The following SYNE2 variants were observed in gnomAD, a reference collection of about 807,000 sequenced individuals.
The protein encoded by SYNE2 is nesprin-2.
In SYNE2, 431 loss-of-function variants were observed where a neutral mutation model predicts 856.3. The ratio of observed to expected loss-of-function variants is 0.50; its 90% CI spans 0.47 to 0.55. SYNE2 has a LOEUF of 0.55. Ranked by LOEUF, SYNE2 falls within the 20% of genes least tolerant of loss-of-function variation. SYNE2 has a pLI of 0.00. For synonymous variants in SYNE2, 2,923 were observed against 2,872.3 expected (o/e 1.02, Z -0.56); for missense variants, 8,129 against 8,023.2 (o/e 1.01, Z -0.50).
At chr14:64,166,491 C>A (rs937689551) in intron 90 of SYNE2, among the ~76,000 whole-genome samples, 1 of 152,158 alleles carries the variant, frequency 6.6e-6, no homozygotes, top group East Asian at 1.9e-4. Flanking sequence ...TGCTTTCTTG[C>A]AATGTCATGT....
In SYNE2 at chr14:63,993,910, A is replaced by C. The variant is rs933436149; in HGVS notation, c.2722A>C (p.Thr908Pro). The change falls in exon 22 of 116, where the codon ACT becomes CCT. Residue 908 changes from threonine to proline, a missense_variant. By Grantham distance (38) the Thr-to-Pro change is conservative. This residue lies in a region of SYNE2 where 2,422 missense variants were observed against 2,357.4 expected (regional missense o/e 1.03). Coordinates refer to ENST00000555002, the MANE Select transcript of SYNE2 (RefSeq NM_182914.3). ...TGTTGAAGAACTAAAAAATAATGTAACTGAGGACATAAAGATGTCTTTAGA... is the reference window on the plus strand; with the variant it reads ...TGTTGAAGAACTAAAAAATAATGTACCTGAGGACATAAAGATGTCTTTAGA... ...KAVEELKNNV[T>P]EDIKMSLEEK... 6.8e-6 allele frequency: 11 copies of C among 1,613,264 alleles called. No homozygotes were observed. The highest frequency in any genetic ancestry group is 6.8e-6 in the Non-Finnish European group (8 of 1,179,460).
rs369736849 is a variant in SYNE2 at position 63,929,549 on chromosome 14, T to A, written c.80-11065T>A. Among the ~76,000 whole-genome samples, 391 of 152,194 alleles carry A rather than the reference T, an allele frequency of 2.6e-3. 20 individuals carry two copies. The South Asian group carries it at 0.077, about 30-fold the overall frequency. ...ACTTTGGGAGGCCAAGGCGGGTGGA[T>A]CACCTGAGGTCAGGAGTTCAAGACC... is the stretch of plus-strand genomic sequence containing the variant. On this transcript the variant is annotated intron_variant, in intron 2 of 115. Transcript: ENST00000555002.
intron 31 of SYNE2, among the ~76,000 whole-genome samples, chr14:64,008,549 A>G (rs2096818611): frequency 6.6e-6 from 1 of 152,142 alleles, no homozygotes; most frequent in African/African-American, 2.4e-5. Context: ...ATTTGATATT[A>G]TTTATTAATT....
At chr14:63,830,723 T>C (rs1020092748) in intron 1 of SYNE2, among the ~76,000 whole-genome samples, 1 of 152,066 alleles carries the variant, frequency 6.6e-6, no homozygotes, top group Non-Finnish European at 1.5e-5. Flanking sequence ...ATTTTTCGAA[T>C]ACTTATTAAT....
intron 19 of SYNE2, among the ~76,000 whole-genome samples, chr14:63,986,913 G>GA (rs2096630165): frequency 6.6e-6 from 1 of 152,130 alleles, no homozygotes; most frequent in Non-Finnish European, 1.5e-5. Context: ...ATGAGGAGAC[G>GA]AGTGAGTTCA....
intron 96 of SYNE2, among the ~76,000 whole-genome samples, chr14:64,182,718 A>G (rs945454381): frequency 3.0e-4 from 46 of 152,238 alleles, no homozygotes; most frequent in Admixed American, 6.5e-5. Flanking sequence ...AAGGTCATAG[A>G]TTAACAGCAT....
At chr14:63,779,910 C>CA (rs1887247552) in intron 1 of SYNE2, among the ~76,000 whole-genome samples, 1 of 151,756 alleles carries the variant, frequency 6.6e-6, no homozygotes, top group African/African-American at 2.4e-5. Flanking sequence ...GACTCCATCT[C>CA]AAAAAATAAA....
intron 43 of SYNE2, among the ~76,000 whole-genome samples, chr14:64,028,443 T>C (rs909496675): frequency 1.3e-5 from 2 of 151,944 alleles, no homozygotes; most frequent in Admixed American, 6.6e-5. Context: ...TTTGTAGAAA[T>C]AAGGTCTCGC....
rs1199416360 is a variant in SYNE2, at chr14:63,843,751, A to G, written c.-304-8750A>G. Among the ~76,000 whole-genome samples, 8 of 152,176 alleles carry G rather than the reference A, an allele frequency of 5.3e-5. No homozygotes were observed. The East Asian group carries it at 1.5e-3, about 29-fold the overall frequency. On this transcript the variant is annotated intron_variant, in intron 1 of 23. Transcript: ENST00000674003. ...AATAATCTGATTTTCCTCTTTATTGATTTATTCCACTATTGATATAGTGAA... is the reference window on the plus strand; with the variant it reads ...AATAATCTGATTTTCCTCTTTATTGGTTTATTCCACTATTGATATAGTGAA...
intron 63 of SYNE2, among the ~76,000 whole-genome samples, chr14:64,100,554 A>T (rs1272213415): frequency 7.8e-6 from 1 of 128,266 alleles, no homozygotes; most frequent in Non-Finnish European, 1.6e-5. Context: ...ATATATATAT[A>T]TATATATATA....
intron 45 of SYNE2, among the ~76,000 whole-genome samples, chr14:64,046,708 A>G (rs913994862): frequency 3.3e-5 from 5 of 152,172 alleles, no homozygotes; most frequent in African/African-American, 1.2e-4. Flanking sequence ...CAGACTCATA[A>G]AAGAGGCACC....
At chr14:64,050,209 CAGG>C (rs2097215017) in intron 47 of SYNE2, among the ~76,000 whole-genome samples, 1 of 152,192 alleles carries the variant, frequency 6.6e-6, no homozygotes, top group South Asian at 2.1e-4. Flanking sequence ...CATGTGGTAG[CAGG>C]AGAAGTGCAG....
At chr14:63,927,130 G>A (rs191046232) in intron 2 of SYNE2, among the ~76,000 whole-genome samples, 1 of 152,316 alleles carries the variant, frequency 6.6e-6, no homozygotes, top group Non-Finnish European at 1.5e-5. Flanking sequence ...TTTTGCTCAT[G>A]TTGCTAAGAG....
At chr14:63,898,290 A>T (rs2095286376) in intron 1 of SYNE2, among the ~76,000 whole-genome samples, 1 of 152,114 alleles carries the variant, frequency 6.6e-6, no homozygotes, top group South Asian at 2.1e-4. Flanking sequence ...TCGTCCTGGG[A>T]ACGTCCCTTT....
chr14:64,217,912 A>C (rs991238509), intron 108 of SYNE2, among the ~76,000 whole-genome samples: 2 of 152,160 alleles, frequency 1.3e-5, no homozygotes, highest in Admixed American at 6.5e-5. Context: ...AAAGATAAAC[A>C]CTTGGTAACG....
At chr14:63,835,316 C>T (rs1168572353) in intron 1 of SYNE2, among the ~76,000 whole-genome samples, 1 of 152,148 alleles carries the variant, frequency 6.6e-6, no homozygotes, top group Non-Finnish European at 1.5e-5. Flanking sequence ...TCACTGCAAC[C>T]TCTGCCTCTG....
Position 64,174,971 on chromosome 14 carries a change from C to A in SYNE2, c.17263C>A (p.Arg5755=). ...TAAAGAAATTCATTTTCAAAGGAGG[C>A]GAACTACCTGTGCCCTAACCTTGGA... is the stretch of plus-strand genomic sequence containing the variant. The part of the protein sequence containing the change: ...KNKEIHFQRR[R]TTCALTLEAG... Residue 5755 remains arginine (R), a synonymous_variant, in exon 95 of 116, where the codon CGA becomes AGA. Coordinates refer to ENST00000555002, the MANE Select transcript of SYNE2 (RefSeq NM_182914.3). The A allele has an allele frequency of 6.2e-7, 1 of 1,613,990 alleles. No individual in the cohort carries two copies. The highest frequency in any genetic ancestry group is 8.5e-7 in the Non-Finnish European group (1 of 1,179,976).
Position 64,087,730 on chromosome 14 carries a change from A to G in SYNE2, c.11544A>G (p.Leu3848=). 2 of 1,614,202 alleles carry G rather than the reference A, an allele frequency of 1.2e-6. No homozygotes were observed. Among genetic ancestry groups the G allele is most frequent in the Non-Finnish European group, 1.7e-6 (2 of 1,180,024 alleles). ...HNLLHSIFMD[L]EDLSIIFETD... is the part of the protein sequence containing the mutation. ...TTTTACATTCAATCTTTATGGATCTAGAAGACCTGTCAATAATTTTTGAAA... is the reference window on the plus strand; with the variant it reads ...TTTTACATTCAATCTTTATGGATCTGGAAGACCTGTCAATAATTTTTGAAA... Residue 3848 remains leucine (L), a synonymous_variant, in exon 58 of 116, where the codon CTA becomes CTG. Coordinates refer to ENST00000555002, the MANE Select transcript of SYNE2 (RefSeq NM_182914.3).
At position 63,981,174 on chromosome 14, in the gene SYNE2, G is replaced by A; in HGVS notation, c.1836+1G>A. ...GACAAAGAAGGAAGAAATTAAAGAG[G>A]TATTTGCAGTCTAATAGCATCTGCT... On this transcript the variant is annotated splice_donor_variant, in intron 16 of 115. Transcript: ENST00000555002. LOFTEE classifies it high-confidence loss of function. 1 of 1,611,480 alleles carries A rather than the reference G, an allele frequency of 6.2e-7. No homozygotes were observed. The highest frequency in any genetic ancestry group is 1.3e-5 in the African/African-American group (1 of 74,940).
Sources: gnomAD v4.1 joint callset for allele counts (sites outside exome capture counted in the v4.1 genomes callset) on GRCh38, gnomAD v4.1.1 for gene constraint, gnomAD v4.1.1 regional missense constraint, MANE v1.5 for transcripts, NCBI Gene and HGNC (gene_info 2026-07-23, HGNC 2026-07-21) for gene names.